LUZP2: variants seen among roughly 807,000 people sequenced by gnomAD.
LUZP2 encodes the protein leucine zipper protein 2.
Under a neutral mutation model 51.6 loss-of-function variants are expected in LUZP2, and 52 were observed. That is an observed-to-expected ratio of 1.01 (90% CI 0.81 to 1.27). The LOEUF is 1.27. Ranked by LOEUF, LUZP2 falls within the 50% of genes most tolerant of loss-of-function variation. The pLI, the probability that LUZP2 is intolerant of heterozygous loss-of-function variation, is 0.00. For missense variants in LUZP2, 436 were observed against 395.4 expected, an observed-to-expected ratio of 1.10 and a Z score of -0.87; for synonymous variants, 154 against 137.3, an observed-to-expected ratio of 1.12 and a Z score of -0.85.
intron 1 of LUZP2, among the ~76,000 whole-genome samples, chr11:24,656,557 C>T (rs924128267): frequency 6.6e-6 from 1 of 152,170 alleles, no homozygotes; most frequent in African/African-American, 2.4e-5. Context: ...AAGGTGTCTG[C>T]AGGGCCTCAT....
chr11:24,505,160 C>A (rs1381749208), intron 1 of LUZP2, among the ~76,000 whole-genome samples: 4 of 152,152 alleles, frequency 2.6e-5, no homozygotes, highest in Admixed American at 2.0e-4. Flanking sequence ...GATGTGACTT[C>A]TTCTGACTTC....
chr11:24,549,210 A>C (rs977081633), intron 1 of LUZP2, among the ~76,000 whole-genome samples: 13 of 152,172 alleles, frequency 8.5e-5, no homozygotes, highest in African/African-American at 2.6e-4. Context: ...TATATTATTT[A>C]CATTTTAAAT....
chr11:25,036,762 C>T (rs989589531), intron 9 of LUZP2, among the ~76,000 whole-genome samples: 18 of 151,854 alleles, frequency 1.2e-4, no homozygotes, highest in Admixed American at 7.9e-4. Context: ...AATTTTCATG[C>T]GTTGAGAGAG....
intron 9 of LUZP2, among the ~76,000 whole-genome samples, chr11:25,035,545 A>G (rs1857830093): frequency 6.6e-6 from 1 of 152,140 alleles, no homozygotes; most frequent in Non-Finnish European, 1.5e-5. Flanking sequence ...GTATGACACA[A>G]ATAAATTGAA....
At chr11:24,795,495 C>T (rs916637043) in intron 5 of LUZP2, among the ~76,000 whole-genome samples, 1 of 152,100 alleles carries the variant, frequency 6.6e-6, no homozygotes. Flanking sequence ...AGTTTTATTA[C>T]ATACAATTCT....
intron 5 of LUZP2, among the ~76,000 whole-genome samples, chr11:24,879,590 G>A (rs575338450): frequency 1.3e-5 from 2 of 152,210 alleles, no homozygotes; most frequent in South Asian, 4.2e-4. Flanking sequence ...ACTGTTTCCT[G>A]ACTTTTTAAT....
intron 1 of LUZP2, among the ~76,000 whole-genome samples, chr11:24,587,733 A>G (rs1467380240): frequency 6.6e-6 from 1 of 152,156 alleles, no homozygotes; most frequent in Admixed American, 6.6e-5. Flanking sequence ...ACATAGAAAC[A>G]ACTATGACAC....
At chr11:24,897,238 C>T (rs1185055141) in intron 5 of LUZP2, among the ~76,000 whole-genome samples, 1 of 152,142 alleles carries the variant, frequency 6.6e-6, no homozygotes, top group Non-Finnish European at 1.5e-5. Context: ...AATCAGCTCT[C>T]TGTAAAATGG....
chr11:25,012,972 A>G (rs76467169), intron 9 of LUZP2, among the ~76,000 whole-genome samples: 1 of 152,190 alleles, frequency 6.6e-6, no homozygotes, highest in African/African-American at 2.4e-5. Flanking sequence ...AATCAACCTA[A>G]GTGTCCATCA....
Position 24,730,448 on chromosome 11 carries a change from T to C in LUZP2, c.180+1162T>C, listed in dbSNP as rs1454993793. ...TACACAACCCAGTAGGACACAGAGATGGTATCAGAATGAAAACAGCGCAGG... is the reference window on the plus strand; with the variant it reads ...TACACAACCCAGTAGGACACAGAGACGGTATCAGAATGAAAACAGCGCAGG... On this transcript the variant is annotated intron_variant, in intron 2 of 11. Coordinates refer to ENST00000336930, the MANE Select transcript of LUZP2 (RefSeq NM_001009909.4). 2.0e-5 allele frequency among the ~76,000 whole-genome samples: 3 copies of C among 149,688 alleles called. No homozygotes were observed. In the South Asian group the frequency reaches 6.3e-4, roughly 31 times the overall value.
At chr11:24,792,832 A>C (rs1403276465) in intron 5 of LUZP2, among the ~76,000 whole-genome samples, 1 of 152,102 alleles carries the variant, frequency 6.6e-6, no homozygotes, top group Non-Finnish European at 1.5e-5. Flanking sequence ...TGGTGTCAGG[A>C]TTGGGATTTG....
intron 5 of LUZP2, among the ~76,000 whole-genome samples, chr11:24,801,430 G>A (rs548395831): frequency 1.2e-4 from 18 of 151,914 alleles, no homozygotes; most frequent in African/African-American, 4.1e-4. Flanking sequence ...GGAGGAAATC[G>A]TGTTAACCAT....
At chr11:25,040,748 C>G (rs17235239) in intron 9 of LUZP2, among the ~76,000 whole-genome samples, 72,978 of 151,878 alleles carry the variant, frequency 0.48, 17,842 homozygotes, top group Non-Finnish European at 0.51. Flanking sequence ...GGGGCATTGT[C>G]TTTGCCTTTA....
intron 1 of LUZP2, among the ~76,000 whole-genome samples, chr11:24,565,334 A>C (rs1852181355): frequency 6.6e-6 from 1 of 152,182 alleles, no homozygotes; most frequent in Non-Finnish European, 1.5e-5. Flanking sequence ...AAGACCCAAA[A>C]GAGAACCAAA....
At chr11:24,717,711 G>A (rs1191301507) in intron 1 of LUZP2, among the ~76,000 whole-genome samples, 1 of 151,804 alleles carries the variant, frequency 6.6e-6, no homozygotes, top group Non-Finnish European at 1.5e-5. Context: ...CACCGCGCCC[G>A]GCCCCCAATA....
At chr11:25,031,700 C>A (rs1381482243) in intron 9 of LUZP2, among the ~76,000 whole-genome samples, 1 of 150,582 alleles carries the variant, frequency 6.6e-6, no homozygotes, top group Non-Finnish European at 1.5e-5. Context: ...TTTTGTTTTT[C>A]TTTGATATGG....
chr11:24,917,409 C>T (rs909380408), intron 7 of LUZP2, among the ~76,000 whole-genome samples: 7 of 152,224 alleles, frequency 4.6e-5, no homozygotes, highest in Admixed American at 3.9e-4. Flanking sequence ...AGTCCTTGCC[C>T]ATGCCTATGT....
chr11:24,977,858 A>C (rs1162120449), intron 8 of LUZP2, among the ~76,000 whole-genome samples: 1 of 150,522 alleles, frequency 6.6e-6, no homozygotes, highest in Non-Finnish European at 1.5e-5. Flanking sequence ...GATATTTATT[A>C]TGTTTCTCTC....
rs182818698 is a variant in LUZP2 at position 24,662,835 on chromosome 11, A to C, written c.63-66334A>C. ...AAATGGTAATCCTTTGCAGAAGATA[A>C]TGCTGAAGTATATGCAGTGGCAAGA... On this transcript the variant is annotated intron_variant, in intron 1 of 11. Coordinates refer to ENST00000336930, the MANE Select transcript of LUZP2 (RefSeq NM_001009909.4). 8.1e-4 allele frequency among the ~76,000 whole-genome samples: 123 copies of C among 152,238 alleles called. 1 individual carries two copies. Among genetic ancestry groups the C allele is most frequent in the Admixed American group, 6.8e-3 (104 of 15,288 alleles).
Sources: allele counts gnomAD v4.1 joint callset (sites outside exome capture counted in the v4.1 genomes callset), GRCh38; gene constraint gnomAD v4.1.1; transcripts MANE v1.5; gene names NCBI Gene and HGNC (gene_info 2026-07-23, HGNC 2026-07-21).